The following TRAPPC3L variants were observed in gnomAD, a reference collection of about 807,000 sequenced individuals.
The protein encoded by TRAPPC3L is trafficking protein particle complex subunit 3-like protein.
Under a neutral mutation model 23.7 loss-of-function variants are expected in TRAPPC3L, and 23 were observed. That is an observed-to-expected ratio of 0.97 (90% CI 0.70 to 1.37). The LOEUF is 1.37. Among genes scored for constraint, TRAPPC3L ranks in the 40% most tolerant of loss-of-function variants. TRAPPC3L has a pLI of 0.00. For synonymous variants in TRAPPC3L, 81 were observed against 77.9 expected (o/e 1.04, Z -0.21); for missense variants, 212 against 216.8 (o/e 0.98, Z 0.14).
chr6:116,510,906 C>T (rs2637660), intron 3 of TRAPPC3L, among the ~76,000 whole-genome samples: 4,107 of 151,594 alleles, frequency 0.027, 76 homozygotes, highest in Middle Eastern at 0.097. Flanking sequence ...CGAAGTAACT[C>T]GGAAATAGAA....
At chr6:116,504,356 T>G (rs573108788) in intron 3 of TRAPPC3L, among the ~76,000 whole-genome samples, 1 of 152,246 alleles carries the variant, frequency 6.6e-6, no homozygotes, top group Non-Finnish European at 1.5e-5. Context: ...CTGAATAGAC[T>G]AATAACAGGT....
At chr6:116,539,514 T>C (rs1773298651) in intron 3 of TRAPPC3L, among the ~76,000 whole-genome samples, 1 of 152,202 alleles carries the variant, frequency 6.6e-6, no homozygotes, top group African/African-American at 2.4e-5. Flanking sequence ...AATTTTCTTA[T>C]CTGGAAAATG....
At chr6:116,516,230 A>C in intron 3 of TRAPPC3L, 1 of 387,876 alleles carries the variant, frequency 2.6e-6, no homozygotes, top group Non-Finnish European at 4.5e-6. Flanking sequence ...GTAGGCCTAA[A>C]TGTTGCTCCA....
At chr6:116,501,300 T>C (rs1771909108) in intron 3 of TRAPPC3L, among the ~76,000 whole-genome samples, 1 of 152,188 alleles carries the variant, frequency 6.6e-6, no homozygotes, top group Non-Finnish European at 1.5e-5. Context: ...GGGAGGGGTG[T>C]CTGCCATTGC....
chr6:116,531,134 C>G (rs1324559574), intron 3 of TRAPPC3L, among the ~76,000 whole-genome samples: 5 of 152,032 alleles, frequency 3.3e-5, no homozygotes, highest in Admixed American at 3.3e-4. Context: ...TGAGCCTGGA[C>G]AGTCAGTTCA....
At chr6:116,531,444 G>A (rs773879380) in intron 3 of TRAPPC3L, among the ~76,000 whole-genome samples, 3 of 152,090 alleles carry the variant, frequency 2.0e-5, no homozygotes, top group Non-Finnish European at 4.4e-5. Context: ...GAGAAGGGTT[G>A]AGTCATGAAA....
At chr6:116,525,487 T>C (rs1304379137) in intron 3 of TRAPPC3L, among the ~76,000 whole-genome samples, 1 of 152,220 alleles carries the variant, frequency 6.6e-6, no homozygotes, top group Non-Finnish European at 1.5e-5. Flanking sequence ...CAGTGGAAAG[T>C]TTATAAAAGA....
In TRAPPC3L at chr6:116,521,367, AC is replaced by A. The variant is rs1367564237; in HGVS notation, c.240+18995del. 3.3e-5 allele frequency: 5 copies of A among 152,218 alleles called. No homozygotes were observed. In the East Asian group the frequency reaches 9.7e-4, roughly 29 times the overall value. 9.4% of individuals were successfully genotyped at this position (152,218 alleles called of 1,614,324 possible). On this transcript the variant is annotated intron_variant, in intron 3 of 4. Coordinates refer to ENST00000368602, the MANE Select transcript of TRAPPC3L (RefSeq NM_001139444.3). ...CAAGTCCCAGTCTGAGGGCCTGAGA[AC>A]CAGGGGAGTTGATGGTACAAATCCC...
intron 3 of TRAPPC3L, chr6:116,523,491 CT>C (rs1418290508): frequency 2.0e-5 from 3 of 152,108 alleles, no homozygotes; most frequent in Non-Finnish European, 4.4e-5. Context: ...GTTTGTAGGG[CT>C]TTTCAGAATT....
chr6:116,536,989 A>G (rs780541382), intron 3 of TRAPPC3L, among the ~76,000 whole-genome samples: 29 of 152,186 alleles, frequency 1.9e-4, no homozygotes, highest in Non-Finnish European at 3.7e-4. Flanking sequence ...GTCCATAACT[A>G]AAGTCTGACC....
At position 116,510,507 on chromosome 6, in the gene TRAPPC3L, C is replaced by T. The variant is rs116195174; in HGVS notation, c.241-9841G>A. 4.1e-3 allele frequency among the ~76,000 whole-genome samples: 627 copies of T among 151,878 alleles called. 5 individuals are homozygous for T. Among genetic ancestry groups the T allele is most frequent in the African/African-American group, 0.014 (582 of 41,426 alleles). On this transcript the variant is annotated intron_variant, in intron 3 of 4. Coordinates refer to ENST00000368602, the MANE Select transcript of TRAPPC3L (RefSeq NM_001139444.3). Reference sequence around the variant, plus strand: ...TTCACCATGTTGCCTAGGCTGGTCTCGTACTCCTTGGCTCAAGCAATCCAC... The same window carrying T: ...TTCACCATGTTGCCTAGGCTGGTCTTGTACTCCTTGGCTCAAGCAATCCAC...
intron 3 of TRAPPC3L, chr6:116,516,032 A>G: frequency 5.9e-6 from 9 of 1,533,868 alleles, no homozygotes; most frequent in African/African-American, 1.4e-5. Context: ...TGGCATGCTC[A>G]TTCTGTGATC....
At position 116,516,014 on chromosome 6, in the gene TRAPPC3L, G is replaced by C. The variant is rs1291698765; in HGVS notation, c.241-15348C>G. 11 of 1,554,644 alleles carry C rather than the reference G, an allele frequency of 7.1e-6. No individual in the cohort carries two copies. The East Asian group carries it at 2.3e-4, about 32-fold the overall frequency. On this transcript the variant is annotated intron_variant, in intron 3 of 4. Transcript: ENST00000368602. ...GCTCATCCACCATCAATGACTCATG[G>C]TGTTGAGTGGCATGCTCATTCTGTG...
intron 3 of TRAPPC3L, chr6:116,515,805 A>G (rs1443261464): frequency 1.9e-6 from 3 of 1,614,010 alleles, no homozygotes; most frequent in Non-Finnish European, 2.5e-6. Context: ...TTTGAAAACA[A>G]GAGGCCAGAT....
chr6:116,504,678 C>T (rs192027602), intron 3 of TRAPPC3L, among the ~76,000 whole-genome samples: 104 of 152,304 alleles, frequency 6.8e-4, no homozygotes, highest in African/African-American at 2.5e-3. Context: ...AAAAGCTTAT[C>T]CACCACCATC....
chr6:116,511,975 C>T (rs1283282774), intron 3 of TRAPPC3L: 1 of 1,613,956 alleles, frequency 6.2e-7, no homozygotes, highest in Non-Finnish European at 8.5e-7. Context: ...GAGGCCACAG[C>T]TGCCGTTTCT....
chr6:116,526,860 T>C (rs2115178384), intron 3 of TRAPPC3L, among the ~76,000 whole-genome samples: 1 of 152,264 alleles, frequency 6.6e-6, no homozygotes, highest in East Asian at 1.9e-4. Flanking sequence ...TCCACTTAGG[T>C]TTGTTTTAAA....
At chr6:116,533,396 T>C (rs1772861676) in intron 3 of TRAPPC3L, among the ~76,000 whole-genome samples, 1 of 152,228 alleles carries the variant, frequency 6.6e-6, no homozygotes. Context: ...CTATTTTGTG[T>C]CTTCAGTGGC....
chr6:116,515,884 G>A, intron 3 of TRAPPC3L: 1 of 1,613,968 alleles, frequency 6.2e-7, no homozygotes, highest in Non-Finnish European at 8.5e-7. Flanking sequence ...ACCAAAGCCA[G>A]CAACACTATA....
Sources: gnomAD v4.1 joint callset for allele counts (sites outside exome capture counted in the v4.1 genomes callset) on GRCh38, gnomAD v4.1.1 for gene constraint, MANE v1.5 for transcripts, NCBI Gene and HGNC (gene_info 2026-07-23, HGNC 2026-07-21) for gene names.